The following STARD3 variants were observed in gnomAD, a reference collection of about 807,000 sequenced individuals.
STARD3 encodes the protein StAR related lipid transfer domain containing 3, also known as stAR-related lipid transfer protein 3.
STARD3 carries 39 observed loss-of-function variants against 62.0 expected under a neutral mutation model. The observed-to-expected ratio is 0.63, with a 90% CI of 0.49 to 0.82. The LOEUF is 0.82. Among genes scored for constraint, STARD3 ranks in the 40% least tolerant of loss-of-function variants. The pLI, the probability that STARD3 is intolerant of heterozygous loss-of-function variation, is 0.00. For missense variants in STARD3, 543 were observed against 584.5 expected (o/e 0.93, Z 0.73); for synonymous variants, 229 against 242.4 (o/e 0.94, Z 0.51).
In STARD3 at chr17:39,662,796, T is replaced by TC; in HGVS notation, c.1234-3dup. 6.2e-7 allele frequency: 1 copy of TC among 1,602,514 alleles called. No individual in the cohort carries two copies. On this transcript the variant is annotated splice_region_variant and splice_polypyrimidine_tract_variant and intron_variant, in intron 14 of 14. Transcript: ENST00000336308. ...CATCAAGTGTGACTTCTGCCTGCCT[T>TC]CCCCCAGGGCCGCCTGCCCCGGTAC...
intron 1 of STARD3, among the ~76,000 whole-genome samples, chr17:39,650,901 G>A (rs1204859201): frequency 1.3e-5 from 2 of 152,234 alleles, no homozygotes; most frequent in African/African-American, 4.8e-5. Context: ...GAGTGAGGAA[G>A]GGAGACAGGT....
intron 1 of STARD3, 126 bp from the exon 2 acceptor site, chr17:39,653,355 G>A: frequency 1.5e-6 from 1 of 658,820 alleles, no homozygotes; most frequent in Non-Finnish European, 2.6e-6. Context: ...GGGCAACAGT[G>A]CCCTGGGCCC....
rs117086728 is a variant in STARD3 at position 39,657,153 on chromosome 17, G to T, written c.297+68G>T. The T allele has an allele frequency of 3.9e-3, 5,858 of 1,491,632 alleles. 14 individuals carry two copies. Among genetic ancestry groups the T allele is most frequent in the Non-Finnish European group, 4.6e-3 (4,930 of 1,073,638 alleles). The allele number at this position is 1,491,632 out of a possible 1,614,324, so 92.4% of individuals were successfully genotyped here. On this transcript the variant is annotated intron_variant, in intron 3 of 14. Transcript: ENST00000336308. ...GGGAGCAGGGAAATGACTTCTGCTG[G>T]GTTCTCTTTTGGCAGCATATATCCA...
At position 39,660,561 on chromosome 17, in the gene STARD3, TG is replaced by T; in HGVS notation, c.954+40del. 1 of 1,607,532 alleles carries T rather than the reference TG, an allele frequency of 6.2e-7. No homozygotes were observed. The highest frequency in any genetic ancestry group is 8.5e-7 in the Non-Finnish European group (1 of 1,174,662). ...GTCTGGCTGCCTCTTAAGGCACAGA[TG>T]GGGGCACAGCCACGCCTCAGTGGGA... On this transcript the variant is annotated intron_variant, in intron 11 of 14. Coordinates refer to ENST00000336308, the MANE Select transcript of STARD3 (RefSeq NM_006804.4). This position sits in a 1 kb window ranked among gnomAD's most constrained non-coding sequence, Gnocchi z 4.8.
intron 1 of STARD3, among the ~76,000 whole-genome samples, chr17:39,644,089 G>C (rs1314298777): frequency 1.3e-5 from 2 of 152,192 alleles, no homozygotes; most frequent in African/African-American, 4.8e-5. Flanking sequence ...GGGGGTGCTG[G>C]TGCTAGCATT....
At chr17:39,641,631 T>C (rs904201579) in intron 1 of STARD3, among the ~76,000 whole-genome samples, 3 of 152,200 alleles carry the variant, frequency 2.0e-5, no homozygotes, top group Non-Finnish European at 1.5e-5. Context: ...TGCTATTAAT[T>C]AAGCACAGAC....
chr17:39,646,388 G>C (rs181923736), intron 1 of STARD3, among the ~76,000 whole-genome samples: 64 of 152,238 alleles, frequency 4.2e-4, no homozygotes, highest in Non-Finnish European at 3.5e-4. Context: ...GAGTAGCTGG[G>C]ACTGCAGGTG....
intron 1 of STARD3, 142 bp from the exon 2 acceptor site, chr17:39,653,339 A>G (rs538898790): frequency 1.6e-6 from 1 of 618,394 alleles, no homozygotes; most frequent in Admixed American, 2.9e-5. Flanking sequence ...CTGGTGGAGG[A>G]CATTTGGGCA....
rs964073901 is a variant in STARD3, at chr17:39,662,786, C to A, written c.1234-18C>A. The stretch of plus-strand genomic sequence containing the variant: ...GAGGGCAGGCCATCAAGTGTGACTT[C>A]TGCCTGCCTTCCCCCAGGGCCGCCT... On this transcript the variant is annotated intron_variant, in intron 14 of 14. Coordinates refer to ENST00000336308, the MANE Select transcript of STARD3 (RefSeq NM_006804.4). The A allele has an allele frequency of 6.3e-7, 1 of 1,599,274 alleles. No homozygotes were observed. Among genetic ancestry groups the A allele is most frequent in the Non-Finnish European group, 8.5e-7 (1 of 1,172,466 alleles).
At chr17:39,640,273 G>A (rs761431778) in intron 1 of STARD3, among the ~76,000 whole-genome samples, 1 of 152,212 alleles carries the variant, frequency 6.6e-6, no homozygotes, top group Middle Eastern at 3.2e-3. Context: ...TGAGGTTCAG[G>A]GGAGGTAAGG....
intron 13 of STARD3, 64 bp from the exon 14 acceptor site, chr17:39,662,187 C>T: frequency 1.4e-6 from 2 of 1,450,216 alleles, no homozygotes; most frequent in Non-Finnish European, 9.5e-7. Flanking sequence ...GTGGTAGGGG[C>T]TGCGGGGGGG....
intron 8 of STARD3, 77 bp downstream of exon 8, chr17:39,659,183 G>C (rs573588828): frequency 1.3e-6 from 2 of 1,574,754 alleles, no homozygotes; most frequent in Non-Finnish European, 1.7e-6. Context: ...GTCAGCCGGG[G>C]TGGGCAGGGG....
chr17:39,650,966 C>T (rs1042358678), intron 1 of STARD3, among the ~76,000 whole-genome samples: 2 of 152,230 alleles, frequency 1.3e-5, no homozygotes, highest in African/African-American at 4.8e-5. Context: ...TGCCCTGGAG[C>T]TGCGGCCTGT....
At position 39,647,217 on chromosome 17, in the gene STARD3, A is replaced by C. The variant is rs544786317; in HGVS notation, c.-51-6264A>C. On this transcript the variant is annotated intron_variant, in intron 1 of 14. Coordinates refer to ENST00000336308, the MANE Select transcript of STARD3 (RefSeq NM_006804.4). ...TGTCTCAAAAAAGTTAAAAAAAAAA[A>C]AACCCTCCACTTTCCCCCCTACCTC... 4.2e-3 allele frequency among the ~76,000 whole-genome samples: 632 copies of C among 151,432 alleles called. 2 individuals are homozygous for C. In the Middle Eastern group the frequency reaches 0.044, roughly 11 times the overall value.
chr17:39,657,158 T>A, intron 3 of STARD3, 73 bp downstream of exon 3: 2 of 1,445,424 alleles, frequency 1.4e-6, no homozygotes, highest in South Asian at 2.3e-5. Flanking sequence ...TGCTGGGTTC[T>A]CTTTTGGCAG....
chr17:39,641,315 A>C (rs1230337326), intron 1 of STARD3, among the ~76,000 whole-genome samples: 2 of 152,056 alleles, frequency 1.3e-5, no homozygotes, highest in Non-Finnish European at 2.9e-5. Context: ...AGCTGTGATA[A>C]GGGAAATGCT....
In STARD3 at chr17:39,660,300, AG is replaced by A. The variant is rs2057181364; in HGVS notation, c.858+28del. ...TGAGTGAGGGGAGCGGGTGTCCTGG[AG>A]CCCCAGACAGCACAGGAGGCTCCAG... is the stretch of plus-strand genomic sequence containing the variant. On this transcript the variant is annotated intron_variant, in intron 10 of 14. Coordinates refer to ENST00000336308, the MANE Select transcript of STARD3 (RefSeq NM_006804.4). This position sits in a 1 kb window ranked among gnomAD's most constrained non-coding sequence, Gnocchi z 4.8. 1 of 1,613,560 alleles carries A rather than the reference AG, an allele frequency of 6.2e-7. No individual in the cohort carries two copies.
intron 1 of STARD3, among the ~76,000 whole-genome samples, chr17:39,642,663 A>G (rs2056991812): frequency 6.6e-6 from 1 of 152,198 alleles, no homozygotes; most frequent in Admixed American, 6.5e-5. Context: ...AACACAGACC[A>G]GTGAATGTAT....
intron 1 of STARD3, among the ~76,000 whole-genome samples, chr17:39,642,079 A>G (rs1038441992): frequency 3.3e-5 from 5 of 152,164 alleles, no homozygotes. Context: ...TCCCCAAAGG[A>G]AGGAGGTCAT....
Sources: allele counts gnomAD v4.1 joint callset (sites outside exome capture counted in the v4.1 genomes callset), GRCh38; gene constraint gnomAD v4.1.1; non-coding constraint Gnocchi (gnomAD v3.1); transcripts MANE v1.5; gene names NCBI Gene and HGNC (gene_info 2026-07-23, HGNC 2026-07-21).